The following ROBO2 variants were observed in gnomAD, a reference collection of about 807,000 sequenced individuals.
ROBO2 encodes the protein roundabout guidance receptor 2.
Under a neutral mutation model 160.8 loss-of-function variants are expected in ROBO2, and 53 were observed. The ratio of observed to expected loss-of-function variants is 0.33; its 90% CI spans 0.26 to 0.41. The LOEUF (loss-of-function observed/expected upper bound fraction) is 0.41. Among genes scored for constraint, ROBO2 ranks in the 10% least tolerant of loss-of-function variants. The pLI is 1.00. For synonymous variants in ROBO2, 664 were observed against 611.7 expected, an observed-to-expected ratio of 1.09 and a Z score of -1.26; for missense variants, 1,577 against 1,722.4, an observed-to-expected ratio of 0.92 and a Z score of 1.49.
intron 2 of ROBO2, among the ~76,000 whole-genome samples, chr3:76,092,787 A>G (rs547224084): frequency 1.8e-3 from 272 of 152,326 alleles, no homozygotes; most frequent in African/African-American, 5.3e-3. Context: ...TAAGGACCTG[A>G]TATGAAGATT....
intron 5 of ROBO2, among the ~76,000 whole-genome samples, chr3:77,508,594 A>G (rs2088918922): frequency 6.6e-6 from 1 of 151,732 alleles, no homozygotes; most frequent in Non-Finnish European, 1.5e-5. Flanking sequence ...ATTGTTAGTG[A>G]TAGGTCAGTG....
chr3:77,310,471 A>G (rs748713306), intron 2 of ROBO2, among the ~76,000 whole-genome samples: 1 of 152,150 alleles, frequency 6.6e-6, no homozygotes, highest in African/African-American at 2.4e-5. Context: ...TTTGGAGCAT[A>G]AAATTCCTGA....
chr3:76,720,125 T>C (rs540640459), intron 2 of ROBO2, among the ~76,000 whole-genome samples: 4 of 152,258 alleles, frequency 2.6e-5, no homozygotes, highest in African/African-American at 9.6e-5. Flanking sequence ...TCAGTGTTAT[T>C]GGTGCCCTTT....
chr3:76,394,764 A>C (rs780349395), intron 2 of ROBO2, among the ~76,000 whole-genome samples: 2 of 152,166 alleles, frequency 1.3e-5, no homozygotes, highest in African/African-American at 2.4e-5. Flanking sequence ...TCAATTCAAC[A>C]AGAAGAGCTA....
intron 2 of ROBO2, chr3:77,317,202 C>G: frequency 1.2e-6 from 1 of 842,208 alleles, no homozygotes; most frequent in Non-Finnish European, 2.1e-6. Context: ...GGATGGAAGG[C>G]CCAGCAGTGT....
intron 2 of ROBO2, among the ~76,000 whole-genome samples, chr3:76,547,218 A>G (rs2083159464): frequency 1.3e-5 from 2 of 152,050 alleles, no homozygotes; most frequent in African/African-American, 2.4e-5. Context: ...TACTTGTACT[A>G]AAATTAAATG....
At chr3:76,628,679 C>T (rs1325541201) in intron 2 of ROBO2, among the ~76,000 whole-genome samples, 1 of 152,122 alleles carries the variant, frequency 6.6e-6, no homozygotes, top group Non-Finnish European at 1.5e-5. Context: ...TCTCTTTAAA[C>T]AGCTGTGAAA....
At chr3:76,049,703 C>A (rs2067591283) in intron 2 of ROBO2, among the ~76,000 whole-genome samples, 1 of 151,986 alleles carries the variant, frequency 6.6e-6, no homozygotes, top group African/African-American at 2.4e-5. Context: ...GAATTTAATT[C>A]ATAAGAGTTA....
chr3:77,587,315 T>C (rs547718579), intron 16 of ROBO2, among the ~76,000 whole-genome samples: 1 of 152,176 alleles, frequency 6.6e-6, no homozygotes, highest in South Asian at 2.1e-4. Context: ...TGGCTAATGC[T>C]CAGTTACTTT....
At chr3:76,293,570 T>C (rs183098631) in intron 2 of ROBO2, among the ~76,000 whole-genome samples, 2 of 152,234 alleles carry the variant, frequency 1.3e-5, no homozygotes, top group East Asian at 3.9e-4. Context: ...CATGGTATAA[T>C]CAGACAGGGA....
intron 2 of ROBO2, among the ~76,000 whole-genome samples, chr3:76,554,445 A>G (rs1357949079): frequency 6.6e-6 from 1 of 152,210 alleles, no homozygotes; most frequent in East Asian, 1.9e-4. Flanking sequence ...TAACAGAAAT[A>G]AAGATAGAAA....
At chr3:77,146,818 A>G (rs2077154255) in intron 2 of ROBO2, among the ~76,000 whole-genome samples, 1 of 152,132 alleles carries the variant, frequency 6.6e-6, no homozygotes, top group South Asian at 2.1e-4. Flanking sequence ...AGCATAAAAA[A>G]TTAGCCGGGT....
intron 2 of ROBO2, among the ~76,000 whole-genome samples, chr3:76,813,674 A>C (rs2065398522): frequency 6.6e-6 from 1 of 152,108 alleles, no homozygotes; most frequent in African/African-American, 2.4e-5. Flanking sequence ...CGCAGCATCT[A>C]TCTCTATTGT....
At chr3:77,271,892 C>T (rs906567603) in intron 2 of ROBO2, among the ~76,000 whole-genome samples, 4 of 152,104 alleles carry the variant, frequency 2.6e-5, no homozygotes, top group African/African-American at 7.2e-5. Context: ...AGAGGGTTCG[C>T]GTGCTATTTT....
chr3:77,377,635 G>A (rs1369508620), intron 2 of ROBO2, among the ~76,000 whole-genome samples: 20 of 152,268 alleles, frequency 1.3e-4, no homozygotes, highest in Non-Finnish European at 7.4e-5. Context: ...TGAAAGATAT[G>A]AGACCTCGAT....
chr3:76,806,897 A>T (rs530860760), intron 2 of ROBO2, among the ~76,000 whole-genome samples: 2 of 152,162 alleles, frequency 1.3e-5, no homozygotes, highest in South Asian at 4.1e-4. Flanking sequence ...TTGTACTCAG[A>T]TTATGAGCTG....
chr3:77,419,490 A>G (rs2153530697), intron 2 of ROBO2, among the ~76,000 whole-genome samples: 1 of 152,296 alleles, frequency 6.6e-6, no homozygotes, highest in South Asian at 2.1e-4. Flanking sequence ...TGAAAAAAGA[A>G]GGAGAGGTGG....
intron 2 of ROBO2, among the ~76,000 whole-genome samples, chr3:77,151,744 G>C (rs900863812): frequency 6.6e-6 from 1 of 152,108 alleles, no homozygotes; most frequent in Non-Finnish European, 1.5e-5. Flanking sequence ...GCAAGAAATG[G>C]TATTTTCTCC....
intron 2 of ROBO2, among the ~76,000 whole-genome samples, chr3:76,997,276 C>T (rs1472414231): frequency 6.6e-6 from 1 of 152,044 alleles, no homozygotes; most frequent in Non-Finnish European, 1.5e-5. Flanking sequence ...TTAAATTGAT[C>T]TGATAGTAGA....
Sources: allele counts gnomAD v4.1 joint callset (sites outside exome capture counted in the v4.1 genomes callset), GRCh38; gene constraint gnomAD v4.1.1; transcripts MANE v1.5; gene names NCBI Gene and HGNC (gene_info 2026-07-23, HGNC 2026-07-21).